CPLX4: variants seen among roughly 807,000 people sequenced by gnomAD.
CPLX4 encodes complexin 4.
In CPLX4, 17 loss-of-function variants were observed where a neutral mutation model predicts 16.1. The observed-to-expected ratio is 1.06, with a 90% CI of 0.72 to 1.59. The LOEUF (loss-of-function observed/expected upper bound fraction) is 1.59. Among genes scored for constraint, CPLX4 ranks in the 40% most tolerant of loss-of-function variants. CPLX4 has a pLI of 0.00. For missense variants in CPLX4, 193 were observed against 192.9 expected (o/e 1.00, Z 0.00); for synonymous variants, 55 against 57.8 (o/e 0.95, Z 0.22).
At chr18:59,301,317 C>A (rs562672516) in intron 2 of CPLX4, among the ~76,000 whole-genome samples, 1 of 152,070 alleles carries the variant, frequency 6.6e-6, no homozygotes, top group Non-Finnish European at 1.5e-5. Flanking sequence ...AGAAGAGAGA[C>A]CAAGAGAGCC....
rs140555708 is a variant in CPLX4, at chr18:59,312,438, G to GTATATA, written c.255+241_255+246dup. ...ATATATATCCTGAATATGTGTGTGT[G>GTATATA]TATATATATATATATATCTCCTGAA... is the stretch of plus-strand genomic sequence containing the variant. On this transcript the variant is annotated intron_variant, in intron 2 of 2. Coordinates refer to ENST00000299721, the MANE Select transcript of CPLX4 (RefSeq NM_181654.4). Among the ~76,000 whole-genome samples, 208 of 143,544 alleles carry GTATATA rather than the reference G, an allele frequency of 1.4e-3. 2 individuals are homozygous for GTATATA. Among genetic ancestry groups the GTATATA allele is most frequent in the Non-Finnish European group, 2.0e-3 (135 of 66,000 alleles). 94.2% of individuals were successfully genotyped at this position (143,544 alleles called of 152,430 possible).
intron 2 of CPLX4, among the ~76,000 whole-genome samples, chr18:59,311,257 G>A (rs544536283): frequency 6.6e-6 from 1 of 152,292 alleles, no homozygotes; most frequent in East Asian, 1.9e-4. Flanking sequence ...GAACGGGGCT[G>A]GGGGTAGGAA....
chr18:59,296,277 G>T lies in CPLX4; in HGVS notation c.*421C>A. 4.6e-6 allele frequency: 1 copy of T among 215,888 alleles called. No homozygotes were observed. Among genetic ancestry groups the T allele is most frequent in the Non-Finnish European group, 9.0e-6 (1 of 110,934 alleles). 13.4% of individuals were successfully genotyped at this position (215,888 alleles called of 1,614,324 possible). On this transcript the variant is annotated 3_prime_UTR_variant, in exon 3 of 3. Coordinates refer to ENST00000299721, the MANE Select transcript of CPLX4 (RefSeq NM_181654.4). Reference sequence around the variant, plus strand: ...CTCCCTGTGGGAAACCCGGCTCCCAGTAGACACCTTGACTCTCCACATTTC... The same window carrying T: ...CTCCCTGTGGGAAACCCGGCTCCCATTAGACACCTTGACTCTCCACATTTC...
chr18:59,305,512 G>T (rs557468124), intron 2 of CPLX4, among the ~76,000 whole-genome samples: 1 of 152,158 alleles, frequency 6.6e-6, no homozygotes, highest in Non-Finnish European at 1.5e-5. Flanking sequence ...TTTACTGGAC[G>T]TGCAGCTGGA....
At position 59,296,650 on chromosome 18, in the gene CPLX4, G is replaced by C. The variant is rs750134087; in HGVS notation, c.*48C>G. ...TGCTTGAAACGTCCCACAAGAGAGTGGTCTTTTCCAAGGATGGCTGGTTCC... is the reference window on the plus strand; with the variant it reads ...TGCTTGAAACGTCCCACAAGAGAGTCGTCTTTTCCAAGGATGGCTGGTTCC... On this transcript the variant is annotated 3_prime_UTR_variant, in exon 3 of 3. Transcript: ENST00000299721. 6.3e-7 allele frequency: 1 copy of C among 1,599,330 alleles called. No homozygotes were observed. The highest frequency in any genetic ancestry group is 8.5e-7 in the Non-Finnish European group (1 of 1,169,950).
chr18:59,308,541 C>CTTTTTT (rs372511937), intron 2 of CPLX4, among the ~76,000 whole-genome samples: 1 of 119,402 alleles, frequency 8.4e-6, no homozygotes, highest in Admixed American at 8.8e-5. Flanking sequence ...CCTATCAAGA[C>CTTTTTT]TTTTTTTTTT....
chr18:59,316,007 C>T (rs868680716), intron 1 of CPLX4, among the ~76,000 whole-genome samples: 14 of 152,310 alleles, frequency 9.2e-5, no homozygotes, highest in Middle Eastern at 3.4e-3. Flanking sequence ...AAACCCATCT[C>T]TTCCATTTCA....
intron 2 of CPLX4, among the ~76,000 whole-genome samples, chr18:59,310,330 C>T (rs2070608478): frequency 6.6e-6 from 1 of 152,160 alleles, no homozygotes; most frequent in African/African-American, 2.4e-5. Context: ...TCATTTTTTC[C>T]TCTTTCCATA....
At chr18:59,314,454 G>T (rs1258194133) in intron 1 of CPLX4, among the ~76,000 whole-genome samples, 3 of 151,886 alleles carry the variant, frequency 2.0e-5, no homozygotes, top group African/African-American at 7.3e-5. Flanking sequence ...TCTTCAATAT[G>T]CATGTCATTA....
chr18:59,309,696 G>A (rs1020411314), intron 2 of CPLX4, among the ~76,000 whole-genome samples: 3 of 151,910 alleles, frequency 2.0e-5, no homozygotes, highest in East Asian at 1.9e-4. Context: ...GGTGGTGGGC[G>A]CCTGTAGTCC....
intron 1 of CPLX4, among the ~76,000 whole-genome samples, chr18:59,316,402 TTTC>T (rs2070651752): frequency 6.6e-6 from 1 of 152,236 alleles, no homozygotes; most frequent in Admixed American, 6.5e-5. Context: ...TTTAGGAGGC[TTTC>T]ATTTGCTAAC....
At chr18:59,306,822 AC>A in intron 2 of CPLX4, among the ~76,000 whole-genome samples, 1 of 152,214 alleles carries the variant, frequency 6.6e-6, no homozygotes, top group African/African-American at 2.4e-5. Context: ...TGTGGTGGTG[AC>A]CCTGGGGAAT....
intron 2 of CPLX4, among the ~76,000 whole-genome samples, chr18:59,308,806 C>A (rs1256019067): frequency 6.6e-6 from 1 of 152,210 alleles, no homozygotes; most frequent in African/African-American, 2.4e-5. Flanking sequence ...TGTCTGTCCC[C>A]CGCAGCCTCT....
intron 2 of CPLX4, among the ~76,000 whole-genome samples, chr18:59,299,827 C>T (rs545387590): frequency 3.3e-5 from 5 of 152,310 alleles, no homozygotes; most frequent in African/African-American, 7.2e-5. Context: ...TAGAGATGCA[C>T]GTGCTGGGAC....
intron 2 of CPLX4, among the ~76,000 whole-genome samples, chr18:59,297,278 AT>A (rs142082605): frequency 0.15 from 21,658 of 143,898 alleles, 1,703 homozygotes; most frequent in Non-Finnish European, 0.2. Context: ...GCCATCTGGA[AT>A]TTTTTTTTTT....
chr18:59,301,790 G>A (rs996949328), intron 2 of CPLX4, among the ~76,000 whole-genome samples: 1 of 152,226 alleles, frequency 6.6e-6, no homozygotes, highest in Non-Finnish European at 1.5e-5. Context: ...TTAGACATGG[G>A]TTTGAGTCCC....
At chr18:59,309,292 C>T (rs2144187883) in intron 2 of CPLX4, among the ~76,000 whole-genome samples, 1 of 152,220 alleles carries the variant, frequency 6.6e-6, no homozygotes, top group Non-Finnish European at 1.5e-5. Context: ...AATATAAAAA[C>T]GCCCTTGGAG....
At chr18:59,309,858 AGTAG>A (rs2070605227) in intron 2 of CPLX4, among the ~76,000 whole-genome samples, 2 of 150,048 alleles carry the variant, frequency 1.3e-5, no homozygotes, top group East Asian at 3.9e-4. Flanking sequence ...AGAAAAAAAG[AGTAG>A]AAAGAACAAA....
intron 2 of CPLX4, among the ~76,000 whole-genome samples, chr18:59,304,861 C>T (rs1164717031): frequency 3.9e-5 from 6 of 152,036 alleles, no homozygotes; most frequent in Admixed American, 6.6e-5. Context: ...TGAGCCACTG[C>T]GCCCGGCCGG....
Sources: gnomAD v4.1 joint callset for allele counts (sites outside exome capture counted in the v4.1 genomes callset) on GRCh38, gnomAD v4.1.1 for gene constraint, MANE v1.5 for transcripts, NCBI Gene and HGNC (gene_info 2026-07-23, HGNC 2026-07-21) for gene names.